TRPC1: variants seen among roughly 807,000 people sequenced by gnomAD.
TRPC1 encodes the protein short transient receptor potential channel 1.
A neutral mutation model predicts 88.2 loss-of-function variants in TRPC1; 42 were observed. The ratio of observed to expected loss-of-function variants is 0.48; its 90% CI spans 0.37 to 0.62. The LOEUF (loss-of-function observed/expected upper bound fraction) is 0.62, where lower values mean the gene tolerates loss of function less well. TRPC1 is among the 20% of genes least tolerant of loss of function. The pLI is 0.00. For synonymous variants in TRPC1, 288 were observed against 331.8 expected (o/e 0.87, Z 1.43); for missense variants, 699 against 957.3 (o/e 0.73, Z 3.56).
chr3:142,768,554 TTGAAG>T (rs2108090117), intron 4 of TRPC1, among the ~76,000 whole-genome samples: 1 of 152,276 alleles, frequency 6.6e-6, no homozygotes, highest in African/African-American at 2.4e-5. Flanking sequence ...TGCCTTTTGA[TTGAAG>T]TGTTTAGTTC....
chr3:142,806,381 A>T lies in TRPC1; in HGVS notation c.*146A>T. On this transcript the variant is annotated 3_prime_UTR_variant, in exon 13 of 13. Transcript: ENST00000476941. ...TTTAAAATATTTATAGCATAAATATATGTTATGTAAAGTGTGTATATAGAA... is the reference window on the plus strand; with the variant it reads ...TTTAAAATATTTATAGCATAAATATTTGTTATGTAAAGTGTGTATATAGAA... 4 of 723,926 alleles carry T rather than the reference A, an allele frequency of 5.5e-6. No homozygotes were observed. Among genetic ancestry groups the T allele is most frequent in the Non-Finnish European group, 8.7e-6 (4 of 459,746 alleles). The allele number at this position is 723,926 out of a possible 1,614,324, so 44.8% of individuals were successfully genotyped here.
Position 142,746,218 on chromosome 3 carries a change from C to T in TRPC1, c.430-2040C>T, listed in dbSNP as rs575615676. ...CATTTCAATGAATTCATTCTGTATT[C>T]TTGGCTTGCCAGATTGTCTTTTTGG... On this transcript the variant is annotated intron_variant, in intron 3 of 12. Transcript: ENST00000476941. Among the ~76,000 whole-genome samples, 9 of 152,142 alleles carry T rather than the reference C, an allele frequency of 5.9e-5. No homozygotes were observed. In the East Asian group the frequency reaches 1.4e-3, roughly 23 times the overall value.
At chr3:142,726,190 A>G (rs949800475) in intron 1 of TRPC1, among the ~76,000 whole-genome samples, 1 of 152,176 alleles carries the variant, frequency 6.6e-6, no homozygotes, top group Non-Finnish European at 1.5e-5. Flanking sequence ...TGCTGGCTCC[A>G]TGTATTCCAG....
chr3:142,748,215 G>T, intron 3 of TRPC1, 43 bp from the exon 4 acceptor site: 2 of 1,493,892 alleles, frequency 1.3e-6, no homozygotes, highest in South Asian at 1.2e-5. Context: ...ATTTTTTGAA[G>T]TCACAAATAA....
In TRPC1 at chr3:142,806,424, C is replaced by T. The variant is rs1345660395; in HGVS notation, c.*189C>T. ...ATATAGAATTAGTTTTTTAAACCTT[C>T]TGTTAGTGGCTTTTTGCAGAAGCAA... On this transcript the variant is annotated 3_prime_UTR_variant, in exon 13 of 13. Transcript: ENST00000476941. 4 of 444,534 alleles carry T rather than the reference C, an allele frequency of 9.0e-6. No individual in the cohort carries two copies. The highest frequency in any genetic ancestry group is 3.9e-5 in the East Asian group (1 of 25,836). 27.5% of individuals were successfully genotyped at this position (444,534 alleles called of 1,614,324 possible).
rs116718261 is a variant in TRPC1, at chr3:142,748,428, A to C, written c.600A>C (p.Ala200=). 2.9e-4 allele frequency: 464 copies of C among 1,614,134 alleles called. 2 individuals are homozygous for C. In the African/African-American group the frequency reaches 5.4e-3, roughly 19 times the overall value. ...GCTGTGAATGCACATTGTGTTCTGC[A>C]AAAAACAAAAAGGATAGCCTCCGGC... The part of the protein sequence containing the change: ...AVGCECTLCS[A]KNKKDSLRHS... Residue 200 remains alanine (A), a synonymous_variant, in exon 4 of 13, where the codon GCA becomes GCC. Coordinates refer to ENST00000476941, the MANE Select transcript of TRPC1 (RefSeq NM_001251845.2).
At chr3:142,727,006 G>A (rs1328727082) in intron 1 of TRPC1, among the ~76,000 whole-genome samples, 2 of 152,190 alleles carry the variant, frequency 1.3e-5, no homozygotes, top group East Asian at 3.8e-4. Flanking sequence ...GATAATAGTA[G>A]AACTGGCATT....
chr3:142,751,571 C>CTG (rs914949938), intron 4 of TRPC1, among the ~76,000 whole-genome samples: 2 of 152,002 alleles, frequency 1.3e-5, no homozygotes, highest in Non-Finnish European at 2.9e-5. Flanking sequence ...CAATGCATGA[C>CTG]TGTGTGTGTG....
At chr3:142,755,412 CA>C (rs919075397) in intron 4 of TRPC1, among the ~76,000 whole-genome samples, 5 of 152,018 alleles carry the variant, frequency 3.3e-5, no homozygotes, top group Non-Finnish European at 7.4e-5. Context: ...GTGACAAGAG[CA>C]AAACTCCATC....
intron 4 of TRPC1, among the ~76,000 whole-genome samples, chr3:142,758,428 T>C (rs958970510): frequency 1.3e-5 from 2 of 152,240 alleles, no homozygotes; most frequent in Non-Finnish European, 2.9e-5. Flanking sequence ...GTCATTTGTA[T>C]GTTTTCTTTT....
chr3:142,724,038 C>T lies in TRPC1; in HGVS notation c.-522C>T, dbSNP rs896683907. On this transcript the variant is annotated 5_prime_UTR_variant, in exon 1 of 13. Transcript: ENST00000476941. The surrounding 1 kb of genome is among the most constrained non-coding windows in gnomAD (Gnocchi z 5.6). ...CGCAGGCTCCTCCCTAGTGTCGTCGCTACAGAGGAGCAGAGGATGACGTGA... is the reference window on the plus strand; with the variant it reads ...CGCAGGCTCCTCCCTAGTGTCGTCGTTACAGAGGAGCAGAGGATGACGTGA... The T allele has an allele frequency of 6.8e-6, 1 of 146,418 alleles. No homozygotes were observed. The highest frequency in any genetic ancestry group is 1.5e-5 in the Non-Finnish European group (1 of 66,430). The allele number at this position is 146,418 out of a possible 1,614,324, so 9.1% of individuals were successfully genotyped here. A position where few individuals can be genotyped will look rare whatever the true frequency, so the allele number is the denominator to read the frequency against.
chr3:142,748,564 T>G, intron 4 of TRPC1, 104 bp downstream of exon 4: 5 of 1,258,092 alleles, frequency 4.0e-6, no homozygotes, highest in Non-Finnish European at 5.6e-6. Context: ...AATGTGATGC[T>G]GGGGTGACTT....
At position 142,724,674 on chromosome 3, in the gene TRPC1, G is replaced by A. The variant is rs942198628; in HGVS notation, c.115G>A (p.Glu39Lys). The change falls in exon 1 of 13, where the codon GAG (glutamate) becomes AAG (lysine). Residue 39 changes from glutamate (E) to lysine (K), a missense_variant. Physicochemically the swap from Glu to Lys is moderately conservative, Grantham distance 56. Around this residue, in one of 4 missense-constraint regions of TRPC1, gnomAD observed 157 missense variants for 127.0 expected, o/e 1.24. Coordinates refer to ENST00000476941, the MANE Select transcript of TRPC1 (RefSeq NM_001251845.2). The surrounding 1 kb of genome is among the most constrained non-coding windows in gnomAD (Gnocchi z 5.6). ...NEVMALKDVR[E>K]VKEENTLNEK... Reference sequence around the variant, plus strand: ...GGTGATGGCGCTGAAGGATGTGCGGGAGGTGAAGGAGGAGAATACGCTGAA... The same window carrying A: ...GGTGATGGCGCTGAAGGATGTGCGGAAGGTGAAGGAGGAGAATACGCTGAA... 5.6e-6 allele frequency: 9 copies of A among 1,611,150 alleles called. No homozygotes were observed. In the South Asian group the frequency reaches 6.6e-5, roughly 12 times the overall value.
chr3:142,783,553 C>T (rs1358509002), intron 6 of TRPC1, among the ~76,000 whole-genome samples: 1 of 152,112 alleles, frequency 6.6e-6, no homozygotes, highest in East Asian at 1.9e-4. Flanking sequence ...TCAAGTTTTG[C>T]TTATTTGGAA....
intron 4 of TRPC1, among the ~76,000 whole-genome samples, chr3:142,749,587 A>T (rs1209003383): frequency 6.6e-6 from 1 of 152,168 alleles, no homozygotes; most frequent in African/African-American, 2.4e-5. Flanking sequence ...CTTAATTTTT[A>T]ATAAAATAGT....
At chr3:142,798,363 C>T (rs1378539294) in intron 9 of TRPC1, among the ~76,000 whole-genome samples, 1 of 152,164 alleles carries the variant, frequency 6.6e-6, no homozygotes, top group African/African-American at 2.4e-5. Flanking sequence ...CTCTTAAAGA[C>T]TGCTAGAGGA....
chr3:142,777,652 G>GA lies in TRPC1; in HGVS notation c.654dup (p.Cys219MetfsTer21), dbSNP rs748086793. ...CACAGGTTTCGTCTTGATATATATC[G>GA]ATGTTTGGCCAGTCCAGCTCTAATA... is the stretch of plus-strand genomic sequence containing the variant. On this transcript the variant is annotated frameshift_variant, in exon 5 of 13. Coordinates refer to ENST00000476941, the MANE Select transcript of TRPC1 (RefSeq NM_001251845.2). LOFTEE classifies it high-confidence loss of function. 7.5e-6 allele frequency: 12 copies of GA among 1,602,342 alleles called. No individual in the cohort carries two copies. Among genetic ancestry groups the GA allele is most frequent in the Non-Finnish European group, 6.8e-6 (8 of 1,173,310 alleles).
At chr3:142,799,853 T>C (rs1936562696) in intron 9 of TRPC1, among the ~76,000 whole-genome samples, 1 of 152,166 alleles carries the variant, frequency 6.6e-6, no homozygotes, top group African/African-American at 2.4e-5. Flanking sequence ...GTTTGTGGTG[T>C]TCTCATTCAG....
At chr3:142,737,771 G>A (rs1307497260) in intron 2 of TRPC1, among the ~76,000 whole-genome samples, 1 of 152,074 alleles carries the variant, frequency 6.6e-6, no homozygotes, top group African/African-American at 2.4e-5. Context: ...TATAACAATG[G>A]TGCAGAGTCA....
Sources: gnomAD v4.1 joint callset for allele counts (sites outside exome capture counted in the v4.1 genomes callset) on GRCh38, gnomAD v4.1.1 for gene constraint, gnomAD v4.1.1 regional missense constraint, Gnocchi (gnomAD v3.1) non-coding constraint, MANE v1.5 for transcripts, NCBI Gene and HGNC (gene_info 2026-07-23, HGNC 2026-07-21) for gene names.